The following HDAC9 variants were observed in gnomAD, a reference collection of about 807,000 sequenced individuals.
The protein encoded by HDAC9 is MEF-2 interacting transcription repressor (MITR) protein.
A neutral mutation model predicts 139.4 loss-of-function variants in HDAC9; 41 were observed. The observed-to-expected ratio is 0.29, with a 90% CI of 0.23 to 0.38. The LOEUF (loss-of-function observed/expected upper bound fraction) is 0.38, where lower values mean the gene tolerates loss of function less well. Ranked by LOEUF, HDAC9 falls within the 10% of genes least tolerant of loss-of-function variation. The pLI, the probability that HDAC9 is intolerant of heterozygous loss-of-function variation, is 1.00. For missense variants in HDAC9, 1,147 were observed against 1,297.0 expected (o/e 0.88, Z 1.78); for synonymous variants, 517 against 476.2 (o/e 1.09, Z -1.12).
At chr7:18,628,894 G>A (rs1037697388) in intron 6 of HDAC9, among the ~76,000 whole-genome samples, 12 of 152,090 alleles carry the variant, frequency 7.9e-5, no homozygotes, top group Admixed American at 7.2e-4. Flanking sequence ...CTGCAGAGGT[G>A]TCTTCTTATT....
intron 21 of HDAC9, among the ~76,000 whole-genome samples, chr7:18,839,717 C>A (rs1287854814): frequency 1.3e-5 from 2 of 152,020 alleles, no homozygotes; most frequent in East Asian, 3.8e-4. Context: ...TCAGACTTGT[C>A]TTTATTGAAC....
chr7:18,190,015 C>T (rs1790229138), intron 2 of HDAC9, among the ~76,000 whole-genome samples: 1 of 152,100 alleles, frequency 6.6e-6, no homozygotes, highest in African/African-American at 2.4e-5. Flanking sequence ...TCTCAGCTCA[C>T]TGCAACCTCT....
At chr7:18,963,596 T>A (rs1783666565) in intron 24 of HDAC9, among the ~76,000 whole-genome samples, 1 of 152,146 alleles carries the variant, frequency 6.6e-6, no homozygotes, top group Admixed American at 6.5e-5. Context: ...TGATAATAGA[T>A]AAAGAGTATT....
At chr7:18,604,493 G>C (rs1834875905) in intron 6 of HDAC9, among the ~76,000 whole-genome samples, 1 of 150,856 alleles carries the variant, frequency 6.6e-6, no homozygotes, top group Non-Finnish European at 1.5e-5. Context: ...TGCAAGCTCT[G>C]CCTCCTGGGT....
intron 2 of HDAC9, among the ~76,000 whole-genome samples, chr7:18,507,219 C>T (rs1800057855): frequency 7.2e-6 from 1 of 138,222 alleles, no homozygotes; most frequent in South Asian, 2.2e-4. Context: ...GAGACGGAGT[C>T]TCACTCTGTC....
rs555300615 is a variant in HDAC9, at chr7:18,179,100, G to C, written c.25+16751G>C. On this transcript the variant is annotated intron_variant, in intron 2 of 12. Coordinates refer to the HDAC9 transcript ENST00000417496. ...AGTTCCTTTCATATTTGCCCAGGAA[G>C]CTTATTTTTCTAAAGATTATGGAAA... 7.2e-5 allele frequency among the ~76,000 whole-genome samples: 11 copies of C among 152,282 alleles called. No homozygotes were observed. The South Asian group carries it at 2.3e-3, about 32-fold the overall frequency.
intron 2 of HDAC9, chr7:18,543,140 G>C (rs1049423265): frequency 6.6e-6 from 1 of 152,118 alleles, no homozygotes; most frequent in African/African-American, 2.4e-5. Flanking sequence ...CAGACCCTGT[G>C]TATTTATCGA....
At chr7:18,709,329 G>A (rs116249067) in intron 12 of HDAC9, among the ~76,000 whole-genome samples, 3,792 of 152,180 alleles carry the variant, frequency 0.025, 114 homozygotes, top group African/African-American at 0.08. Context: ...AGTTTGCTGA[G>A]GAGGATGGCT....
chr7:18,303,542 C>T (rs1205167778), intron 1 of HDAC9, among the ~76,000 whole-genome samples: 1 of 151,986 alleles, frequency 6.6e-6, no homozygotes, highest in South Asian at 2.1e-4. Context: ...CCACCGCGCC[C>T]GGCCGGAATG....
At chr7:18,982,562 T>C (rs1047642336) in intron 25 of HDAC9, among the ~76,000 whole-genome samples, 1 of 152,164 alleles carries the variant, frequency 6.6e-6, no homozygotes, top group Non-Finnish European at 1.5e-5. Flanking sequence ...GCCACCCTCA[T>C]ATAAACACCA....
At chr7:18,675,359 C>G (rs1020061814) in intron 12 of HDAC9, among the ~76,000 whole-genome samples, 1 of 152,014 alleles carries the variant, frequency 6.6e-6, no homozygotes, top group African/African-American at 2.4e-5. Context: ...AAGTAAATTA[C>G]CGAATTCTGC....
rs1261415263 is a variant in HDAC9 at position 18,797,830 on chromosome 7, GA to G, written c.2322+4391del. On this transcript the variant is annotated intron_variant, in intron 17 of 25. Coordinates refer to ENST00000686413, the MANE Select transcript of HDAC9 (RefSeq NM_178425.4). ...GGTGGCAGAGTAAGACTCCATCTCA[GA>G]AAAAAAAAAAAATTCCTTTCGTCTT... 2.7e-3 allele frequency among the ~76,000 whole-genome samples: 380 copies of G among 139,904 alleles called. 3 individuals are homozygous for G. Among genetic ancestry groups the G allele is most frequent in the Middle Eastern group, 0.011 (3 of 264 alleles). The allele number at this position is 139,904 out of a possible 152,430, so 91.8% of individuals were successfully genotyped here. A position where few individuals can be genotyped will look rare whatever the true frequency, so the allele number is the denominator to read the frequency against.
intron 12 of HDAC9, among the ~76,000 whole-genome samples, chr7:18,716,348 T>C (rs1406596125): frequency 6.6e-6 from 1 of 152,144 alleles, no homozygotes; most frequent in Non-Finnish European, 1.5e-5. Flanking sequence ...GGAAGAAAAA[T>C]ATAATTTGTT....
At chr7:18,425,430 T>C (rs1585805901) in intron 1 of HDAC9, among the ~76,000 whole-genome samples, 1 of 152,192 alleles carries the variant, frequency 6.6e-6, no homozygotes, top group African/African-American at 2.4e-5. Context: ...CATTTTCCCA[T>C]TCACAGCTGA....
chr7:18,897,422 G>A (rs1057207960), intron 22 of HDAC9, among the ~76,000 whole-genome samples: 1 of 151,842 alleles, frequency 6.6e-6, no homozygotes, highest in African/African-American at 2.4e-5. Context: ...TTAGAATATA[G>A]CTATAAGATA....
intron 21 of HDAC9, among the ~76,000 whole-genome samples, chr7:18,869,443 T>C (rs1454287665): frequency 6.6e-6 from 1 of 152,062 alleles, no homozygotes; most frequent in Non-Finnish European, 1.5e-5. Context: ...TGTTTGTAAG[T>C]TTCCTGAGGC....
At chr7:18,938,604 T>A (rs1307056867) in intron 23 of HDAC9, among the ~76,000 whole-genome samples, 1 of 151,438 alleles carries the variant, frequency 6.6e-6, no homozygotes, top group African/African-American at 2.4e-5. Flanking sequence ...TCAAAAAAAA[T>A]AATAATAAAA....
upstream of HDAC9, among the ~76,000 whole-genome samples, chr7:18,289,210 T>C (rs11769668): frequency 0.21 from 32,185 of 152,144 alleles, 3,479 homozygotes; most frequent in Non-Finnish European, 0.23. Flanking sequence ...AGAGAAACTA[T>C]TGGAGAGATC....
At chr7:18,666,559 A>C (rs1794947981) in intron 12 of HDAC9, 83 bp downstream of exon 12, 2 of 1,532,734 alleles carry the variant, frequency 1.3e-6, no homozygotes, top group East Asian at 4.8e-5. Context: ...TGGTAAATGG[A>C]TATGATTTCC....
Sources: allele counts gnomAD v4.1 joint callset (sites outside exome capture counted in the v4.1 genomes callset), GRCh38; gene constraint gnomAD v4.1.1; transcripts MANE v1.5; gene names NCBI Gene and HGNC (gene_info 2026-07-23, HGNC 2026-07-21).